The following SLC34A2 variants were observed in gnomAD, a reference collection of about 807,000 sequenced individuals.
SLC34A2 encodes solute carrier family 34 member 2.
A neutral mutation model predicts 50.8 loss-of-function variants in SLC34A2; 41 were observed. The ratio of observed to expected loss-of-function variants is 0.81; its 90% CI spans 0.63 to 1.05. The LOEUF is 1.05. Among genes scored for constraint, SLC34A2 ranks in the 50% least tolerant of loss-of-function variants. The pLI, the probability that SLC34A2 is intolerant of heterozygous loss-of-function variation, is 0.00. For synonymous variants in SLC34A2, 401 were observed against 364.2 expected (o/e 1.10, Z -1.15); for missense variants, 879 against 876.7 (o/e 1.00, Z -0.03).
In SLC34A2 at chr4:25,676,904, C is replaced by T; in HGVS notation, c.*155C>T. 1.0e-6 allele frequency: 1 copy of T among 994,526 alleles called. No individual in the cohort carries two copies. The highest frequency in any genetic ancestry group is 1.6e-5 in the South Asian group (1 of 63,754). The allele number at this position is 994,526 out of a possible 1,614,324, so 61.6% of individuals were successfully genotyped here. A position where few individuals can be genotyped will look rare whatever the true frequency, so the allele number is the denominator to read the frequency against. Reference sequence around the variant, plus strand: ...TCCTACCTAACTCGATTCCCTTTGGCTTGGTGGTAGGCCTGCAGGGCACTT... The same window carrying T: ...TCCTACCTAACTCGATTCCCTTTGGTTTGGTGGTAGGCCTGCAGGGCACTT... On this transcript the variant is annotated 3_prime_UTR_variant, in exon 13 of 13. Coordinates refer to ENST00000382051, the MANE Select transcript of SLC34A2 (RefSeq NM_006424.3).
intron 9 of SLC34A2, among the ~76,000 whole-genome samples, chr4:25,672,510 A>G (rs1343348787): frequency 3.3e-5 from 5 of 151,992 alleles, no homozygotes; most frequent in Admixed American, 2.0e-4. Flanking sequence ...CCTTACATAT[A>G]CTTTTGTATA....
intron 1 of SLC34A2, among the ~76,000 whole-genome samples, chr4:25,656,294 G>A (rs938127536): frequency 4.6e-5 from 7 of 152,160 alleles, no homozygotes; most frequent in African/African-American, 1.7e-4. Flanking sequence ...GAGCCCCTGG[G>A]CTGCCGTCTT....
At position 25,677,960 on chromosome 4, in the gene SLC34A2, A is replaced by G. The variant is rs4599398; in HGVS notation, c.*1211A>G. The G allele has an allele frequency of 1, 152,235 of 152,332 alleles. 76,069 individuals carry two copies. Among genetic ancestry groups the G allele is most frequent in the East Asian group, 1 (5,174 of 5,174 alleles). The allele number at this position is 152,332 out of a possible 1,614,324, so 9.4% of individuals were successfully genotyped here. On this transcript the variant is annotated 3_prime_UTR_variant, in exon 13 of 13. Coordinates refer to ENST00000382051, the MANE Select transcript of SLC34A2 (RefSeq NM_006424.3). The stretch of plus-strand genomic sequence containing the variant: ...GACTGCCCAGTGAACTGGGATCATT[A>G]AGTACAGTCGAGCACACGTGTGTGC...
At chr4:25,659,635 A>G (rs1229375241) in intron 1 of SLC34A2, among the ~76,000 whole-genome samples, 7 of 152,124 alleles carry the variant, frequency 4.6e-5, no homozygotes, top group Non-Finnish European at 8.8e-5. Context: ...TAGTCCTCAT[A>G]ACAGCTCAGT....
chr4:25,662,813 C>T lies in SLC34A2; in HGVS notation c.221C>T (p.Thr74Ile). Reference protein sequence around the residue: ...TEVDDPWNLPTLQDSGIKWSE... With the variant: ...TEVDDPWNLPILQDSGIKWSE... ...GTGGATGACCCCTGGAACCTACCCA[C>T]TCTTCAGGACTCGGGGATCAAGTGG... Residue 74 changes from threonine to isoleucine, a missense_variant, in exon 3 of 13, where the codon ACT (threonine) becomes ATT (isoleucine). By Grantham distance (89) the Thr-to-Ile change is moderately conservative. Coordinates refer to ENST00000382051, the MANE Select transcript of SLC34A2 (RefSeq NM_006424.3). 1 of 1,614,112 alleles carries T rather than the reference C, an allele frequency of 6.2e-7. No homozygotes were observed. The highest frequency in any genetic ancestry group is 8.5e-7 in the Non-Finnish European group (1 of 1,180,008).
rs903673840 is a variant in SLC34A2, at chr4:25,676,731, C to T, written c.2055C>T (p.Thr685=). ...AGGTCCCTGCCTCGGACTCAAAGAC[C>T]GAATGCACGGCCTTGTAGGGGACGC... ...QGEVPASDSK[T]ECTAL The change falls in exon 13 of 13, where the codon ACC becomes ACT. Residue 685 remains threonine (T), a synonymous_variant. Transcript: ENST00000382051. 2.0e-5 allele frequency: 32 copies of T among 1,614,014 alleles called. No individual in the cohort carries two copies. The highest frequency in any genetic ancestry group is 6.7e-5 in the Admixed American group (4 of 60,000).
intron 4 of SLC34A2, 147 bp downstream of exon 4, chr4:25,664,477 A>C (rs13110175): frequency 1.4e-5 from 12 of 860,028 alleles, no homozygotes; most frequent in Non-Finnish European, 2.0e-5. Flanking sequence ...TATGAAGTCT[A>C]TGCTTTCCGT....
Position 25,668,640 on chromosome 4 carries a change from T to TCAAA in SLC34A2, c.635+649_635+650insCAAA, listed in dbSNP as rs541385518. On this transcript the variant is annotated intron_variant, in intron 6 of 12. Coordinates refer to ENST00000382051, the MANE Select transcript of SLC34A2 (RefSeq NM_006424.3). ...CTGGGTGACAGAGTGAGACTCCATC[T>TCAAA]AAAAAAAAAAAAAAAAATAAATAAA... Among the ~76,000 whole-genome samples the TCAAA allele has an allele frequency of 3.7e-3, 523 of 141,446 alleles. 1 individual carries two copies. The highest frequency in any genetic ancestry group is 0.013 in the African/African-American group (501 of 38,884). 92.8% of individuals were successfully genotyped at this position (141,446 alleles called of 152,430 possible).
Position 25,678,611 on chromosome 4 carries a change from G to A in SLC34A2, c.*1862G>A, listed in dbSNP as rs1715281197. On this transcript the variant is annotated 3_prime_UTR_variant, in exon 13 of 13. Coordinates refer to ENST00000382051, the MANE Select transcript of SLC34A2 (RefSeq NM_006424.3). ...GCTCAGGCTGGTCTCAAACTCCTGA[G>A]ATCAAGCAATCCGCCCACCTCAGCC... The A allele has an allele frequency of 6.6e-6, 2 of 302,748 alleles. No homozygotes were observed. The highest frequency in any genetic ancestry group is 4.2e-5 in the African/African-American group (2 of 47,136). The allele number at this position is 302,748 out of a possible 1,614,324, so 18.8% of individuals were successfully genotyped here.
In SLC34A2 at chr4:25,674,511, G is replaced by A. The variant is rs1259023473; in HGVS notation, c.1340G>A (p.Gly447Asp). 2 of 1,614,198 alleles carry A rather than the reference G, an allele frequency of 1.2e-6. No individual in the cohort carries two copies. Among genetic ancestry groups the A allele is most frequent in the Non-Finnish European group, 1.7e-6 (2 of 1,180,046 alleles). ...TGTTTTGTGTTTCCCCCAGGAATCG[G>A]CGTGATAACCATTGAGAGGGCTTAT... The part of the protein sequence containing the change: ...TSALTPLIGI[G>D]VITIERAYPL... The change falls in exon 12 of 13, where the codon GGC becomes GAC. Residue 447 changes from glycine to aspartate, a missense_variant. By Grantham distance (94) the Gly-to-Asp change is moderately conservative. Transcript: ENST00000382051.
rs773632766 is a variant in SLC34A2 at position 25,662,814 on chromosome 4, T to G, written c.222T>G (p.Thr74=). ...TEVDDPWNLP[T]LQDSGIKWSE... is the part of the protein sequence containing the mutation. ...TGGATGACCCCTGGAACCTACCCAC[T>G]CTTCAGGACTCGGGGATCAAGTGGT... Residue 74 remains threonine (T), a synonymous_variant, in exon 3 of 13, where the codon ACT becomes ACG. Coordinates refer to ENST00000382051, the MANE Select transcript of SLC34A2 (RefSeq NM_006424.3). 1.9e-6 allele frequency: 3 copies of G among 1,613,976 alleles called. No individual in the cohort carries two copies. In the Admixed American group the frequency reaches 5.0e-5, roughly 27 times the overall value.
At position 25,673,190 on chromosome 4, in the gene SLC34A2, C is replaced by G; in HGVS notation, c.1152C>G (p.Val384=). Residue 384 remains valine (V), a synonymous_variant, in exon 10 of 13, where the codon GTC becomes GTG. Coordinates refer to ENST00000382051, the MANE Select transcript of SLC34A2 (RefSeq NM_006424.3). ...TCTGTGGTTGCCTGATCATGATTGT[C>G]AAGATCCTGGGCTCTGTGCTCAAGG... ...LVLCGCLIMI[V]KILGSVLKGQ... is the part of the protein sequence containing the mutation. The G allele has an allele frequency of 1.2e-6, 2 of 1,614,136 alleles. No homozygotes were observed. The highest frequency in any genetic ancestry group is 2.2e-5 in the East Asian group (1 of 44,882).
intron 9 of SLC34A2, among the ~76,000 whole-genome samples, chr4:25,672,318 A>G (rs1325566954): frequency 6.6e-6 from 1 of 152,220 alleles, no homozygotes; most frequent in Non-Finnish European, 1.5e-5. Context: ...GATTTGAAGG[A>G]AGATGTGGGA....
intron 7 of SLC34A2, among the ~76,000 whole-genome samples, chr4:25,670,053 T>A (rs1237985575): frequency 1.3e-5 from 2 of 152,042 alleles, no homozygotes; most frequent in Non-Finnish European, 2.9e-5. Context: ...CATAACCCTG[T>A]CTATACTAAA....
chr4:25,671,000 G>A (rs534399212), intron 8 of SLC34A2, among the ~76,000 whole-genome samples, 167 bp downstream of exon 8: 1 of 152,316 alleles, frequency 6.6e-6, no homozygotes, highest in East Asian at 1.9e-4. Flanking sequence ...ACAAGTCCTT[G>A]AATGAATGCC....
rs1433314927 is a variant in SLC34A2 at position 25,678,074 on chromosome 4, C to G, written c.*1325C>G. 1 of 152,658 alleles carries G rather than the reference C, an allele frequency of 6.6e-6. No homozygotes were observed. The highest frequency in any genetic ancestry group is 1.5e-5 in the Non-Finnish European group (1 of 68,460). 9.5% of individuals were successfully genotyped at this position (152,658 alleles called of 1,614,324 possible). ...TGCCTGATTACACCACTGCCCCCGCCCCACCCTCAGCCATCCCAATTCTTC... is the reference window on the plus strand; with the variant it reads ...TGCCTGATTACACCACTGCCCCCGCGCCACCCTCAGCCATCCCAATTCTTC... On this transcript the variant is annotated 3_prime_UTR_variant, in exon 13 of 13. Coordinates refer to ENST00000382051, the MANE Select transcript of SLC34A2 (RefSeq NM_006424.3).
Position 25,662,776 on chromosome 4 carries a change from G to T in SLC34A2, c.184G>T (p.Glu62Ter). Residue 62 changes from glutamate (E) to a stop codon, truncating the protein, a stop_gained, in exon 3 of 13, where the codon GAG becomes TAG. Coordinates refer to ENST00000382051, the MANE Select transcript of SLC34A2 (RefSeq NM_006424.3). LOFTEE classifies it high-confidence loss of function. ...CTACTCCACGGCTACACTGATAGATGAGCCCACTGAGGTGGATGACCCCTG... is the reference window on the plus strand; with the variant it reads ...CTACTCCACGGCTACACTGATAGATTAGCCCACTGAGGTGGATGACCCCTG... ...PSYSTATLIDEPTEVDDPWNL... is the reference protein window; with the variant it reads ...PSYSTATLID 6.2e-7 allele frequency: 1 copy of T among 1,614,034 alleles called. No homozygotes were observed. Among genetic ancestry groups the T allele is most frequent in the Non-Finnish European group, 8.5e-7 (1 of 1,180,002 alleles).
At chr4:25,665,071 C>T in intron 4 of SLC34A2, 1 of 222,610 alleles carries the variant, frequency 4.5e-6, no homozygotes, top group Non-Finnish European at 9.0e-6. Context: ...ACCCTTGGTG[C>T]CTTTCTTGGG....
intron 4 of SLC34A2, chr4:25,665,099 T>C (rs1341979561): frequency 9.1e-6 from 2 of 218,818 alleles, no homozygotes; most frequent in African/African-American, 2.3e-5. Flanking sequence ...CTGTGTGACT[T>C]GGGAGAGTTG....
Sources: gnomAD v4.1 joint callset for allele counts (sites outside exome capture counted in the v4.1 genomes callset) on GRCh38, gnomAD v4.1.1 for gene constraint, MANE v1.5 for transcripts, NCBI Gene and HGNC (gene_info 2026-07-23, HGNC 2026-07-21) for gene names.